INPP5D: variants seen among roughly 807,000 people sequenced by gnomAD.
The protein encoded by INPP5D is inositol polyphosphate-5-phosphatase D, also known as phosphatidylinositol 3,4,5-trisphosphate 5-phosphatase 1.
Under a neutral mutation model 122.9 loss-of-function variants are expected in INPP5D, and 33 were observed. The observed-to-expected ratio is 0.27, with a 90% CI of 0.20 to 0.36. The LOEUF (loss-of-function observed/expected upper bound fraction) is 0.36. Among genes scored for constraint, INPP5D ranks in the 10% least tolerant of loss-of-function variants. INPP5D has a pLI of 1.00. For synonymous variants in INPP5D, 584 were observed against 576.2 expected (o/e 1.01, Z -0.19); for missense variants, 1,053 against 1,412.7 (o/e 0.75, Z 4.08).
intron 10 of INPP5D, among the ~76,000 whole-genome samples, chr2:233,159,534 C>T (rs556199276): frequency 6.8e-4 from 60 of 88,312 alleles, no homozygotes; most frequent in Admixed American, 1.8e-3. Context: ...CTCATCTCTA[C>T]GAAAAAAAAA....
chr2:233,184,246 G>A (rs555914991), intron 19 of INPP5D, among the ~76,000 whole-genome samples, 162 bp from the exon 20 acceptor site: 9 of 152,262 alleles, frequency 5.9e-5, no homozygotes, highest in South Asian at 2.1e-4. Flanking sequence ...GAGGATGCTC[G>A]GCTGGGTGCT....
At chr2:233,079,503 G>A (rs1284779225) in intron 2 of INPP5D, 105 bp downstream of exon 2, 6 of 776,116 alleles carry the variant, frequency 7.7e-6, no homozygotes, top group Non-Finnish European at 1.4e-5. Context: ...GTAGCCGGAC[G>A]TGAAGGCCTG....
Position 233,128,179 on chromosome 2 carries a change from G to C in INPP5D, c.524+2260G>C, listed in dbSNP as rs1431254770. On this transcript the variant is annotated intron_variant, in intron 4 of 26. Coordinates refer to ENST00000445964, the MANE Select transcript of INPP5D (RefSeq NM_001017915.3). The surrounding 1 kb of genome is among the most constrained non-coding windows in gnomAD (Gnocchi z 4.5). ...ACTGTGCACTTGAGGGATCTAGGCT[G>C]CACGCCTCTTAGGAGAATCTAACTA... Among the ~76,000 whole-genome samples the C allele has an allele frequency of 6.6e-6, 1 of 152,124 alleles. No homozygotes were observed. Among genetic ancestry groups the C allele is most frequent in the East Asian group, 1.9e-4 (1 of 5,186 alleles).
At chr2:233,103,999 G>A (rs113169569) in intron 2 of INPP5D, among the ~76,000 whole-genome samples, 52 of 129,866 alleles carry the variant, frequency 4.0e-4, no homozygotes, top group African/African-American at 1.2e-3. Context: ...GAGCCACTGT[G>A]CCCTGCCTTT....
intron 13 of INPP5D, among the ~76,000 whole-genome samples, chr2:233,168,318 G>C (rs1452338590): frequency 6.6e-6 from 1 of 152,210 alleles, no homozygotes; most frequent in Non-Finnish European, 1.5e-5. Flanking sequence ...CTCACAACCT[G>C]TCTCATTTTG....
At chr2:233,203,923 G>A (rs1695406452) in intron 25 of INPP5D, among the ~76,000 whole-genome samples, 1 of 152,142 alleles carries the variant, frequency 6.6e-6, no homozygotes, top group Non-Finnish European at 1.5e-5. Flanking sequence ...CTCCAGCCTG[G>A]GTGACAGAGC....
chr2:233,061,119 A>C (rs1239721125), intron 1 of INPP5D, among the ~76,000 whole-genome samples: 2 of 152,140 alleles, frequency 1.3e-5, no homozygotes, highest in Admixed American at 1.3e-4. Context: ...CTTTCCATTC[A>C]GTCAGAAGCT....
chr2:233,119,502 G>A (rs1692902807), intron 2 of INPP5D, among the ~76,000 whole-genome samples: 2 of 152,132 alleles, frequency 1.3e-5, no homozygotes. Flanking sequence ...AATAATGTTT[G>A]AAAGAGATTG....
intron 1 of INPP5D, among the ~76,000 whole-genome samples, chr2:233,061,020 C>A (rs1394696257): frequency 6.6e-6 from 1 of 152,192 alleles, no homozygotes; most frequent in Non-Finnish European, 1.5e-5. Context: ...GCAAGGGGGA[C>A]CCTTCCTGGA....
intron 2 of INPP5D, among the ~76,000 whole-genome samples, chr2:233,114,932 AT>A (rs1692743536): frequency 6.6e-6 from 1 of 151,588 alleles, no homozygotes; most frequent in Non-Finnish European, 1.5e-5. Flanking sequence ...CAATGGCACA[AT>A]CTCGGCTCAC....
rs750209174 is a variant in INPP5D at position 233,078,170 on chromosome 2, T to A, written c.135-1165T>A. 6.6e-6 allele frequency among the ~76,000 whole-genome samples: 1 copy of A among 152,242 alleles called. No individual in the cohort carries two copies. Among genetic ancestry groups the A allele is most frequent in the Non-Finnish European group, 1.5e-5 (1 of 68,040 alleles). Reference sequence around the variant, plus strand: ...ACAGCCTTCTGGCCTCAGCAGCCGATGGATTCCATGGGTGTTAGCTGCTGC... The same window carrying A: ...ACAGCCTTCTGGCCTCAGCAGCCGAAGGATTCCATGGGTGTTAGCTGCTGC... On this transcript the variant is annotated intron_variant, in intron 1 of 26. Coordinates refer to ENST00000445964, the MANE Select transcript of INPP5D (RefSeq NM_001017915.3). This position sits in a 1 kb window ranked among gnomAD's most constrained non-coding sequence, Gnocchi z 4.6.
chr2:233,122,258 G>A lies in INPP5D; in HGVS notation c.349+1G>A. ...GGCGACGACCCTGAGGAGGACACAG[G>A]TAGGGAGGGAGGGACAGGACGGCAG... On this transcript the variant is annotated splice_donor_variant, in intron 3 of 26. Transcript: ENST00000445964. LOFTEE classifies it high-confidence loss of function. The A allele has an allele frequency of 6.2e-7, 1 of 1,613,386 alleles. No homozygotes were observed. Among genetic ancestry groups the A allele is most frequent in the Non-Finnish European group, 8.5e-7 (1 of 1,179,646 alleles).
intron 5 of INPP5D, among the ~76,000 whole-genome samples, chr2:233,137,214 T>C (rs1354224144): frequency 1.4e-5 from 1 of 69,172 alleles, no homozygotes; most frequent in Non-Finnish European, 3.7e-5. Context: ...ACATGAAAAA[T>C]GGAGGCTTTA....
chr2:233,121,577 G>A (rs963087795), intron 2 of INPP5D, among the ~76,000 whole-genome samples: 15 of 150,912 alleles, frequency 9.9e-5, no homozygotes, highest in South Asian at 2.1e-4. Context: ...GTGCAGCGGC[G>A]CAATCTCGGC....
chr2:233,143,821 G>T (rs1250386769), intron 6 of INPP5D, among the ~76,000 whole-genome samples: 14 of 151,882 alleles, frequency 9.2e-5, no homozygotes, highest in Non-Finnish European at 1.6e-4. Flanking sequence ...AGATGGTGGT[G>T]GTGATGGTGA....
intron 1 of INPP5D, chr2:233,076,227 G>C (rs1250563753): frequency 6.6e-6 from 1 of 152,238 alleles, no homozygotes; most frequent in Non-Finnish European, 1.5e-5. Context: ...GCCAAGGGAA[G>C]AGAGCATTGA....
At chr2:233,204,742 G>C (rs968600261) in intron 26 of INPP5D, 25 bp downstream of exon 26, 2 of 1,459,874 alleles carry the variant, frequency 1.4e-6, no homozygotes, top group Non-Finnish European at 1.8e-6. Flanking sequence ...ACGTGGGTTC[G>C]TGTGCATTTG....
At chr2:233,063,879 T>C (rs1691140557) in intron 1 of INPP5D, among the ~76,000 whole-genome samples, 1 of 152,248 alleles carries the variant, frequency 6.6e-6, no homozygotes, top group Non-Finnish European at 1.5e-5. Flanking sequence ...GGGGGGAGTC[T>C]GTGGGTGCCT....
At chr2:233,108,747 AGGGCAGCACG>A (rs1163737161) in intron 2 of INPP5D, among the ~76,000 whole-genome samples, 1 of 152,112 alleles carries the variant, frequency 6.6e-6, no homozygotes, top group Non-Finnish European at 1.5e-5. Flanking sequence ...GCTCCCTCCC[AGGGCAGCACG>A]GGGCACCGTT....
Sources: allele counts gnomAD v4.1 joint callset (sites outside exome capture counted in the v4.1 genomes callset), GRCh38; gene constraint gnomAD v4.1.1; non-coding constraint Gnocchi (gnomAD v3.1); transcripts MANE v1.5; gene names NCBI Gene and HGNC (gene_info 2026-07-23, HGNC 2026-07-21).